Variants in DNASE1 observed in about 807,000 individuals in gnomAD.
DNASE1 encodes the protein deoxyribonuclease 1, also known as deoxyribonuclease-1.
Under a neutral mutation model 33.9 loss-of-function variants are expected in DNASE1, and 40 were observed. The observed-to-expected ratio is 1.18, with a 90% CI of 0.92 to 1.54. The LOEUF (loss-of-function observed/expected upper bound fraction) is 1.54. Ranked by LOEUF, DNASE1 falls within the 40% of genes most tolerant of loss-of-function variation. The pLI, the probability that DNASE1 is intolerant of heterozygous loss-of-function variation, is 0.00. For synonymous variants in DNASE1, 216 were observed against 160.0 expected, an observed-to-expected ratio of 1.35 and a Z score of -2.64; for missense variants, 518 against 372.6, an observed-to-expected ratio of 1.39 and a Z score of -3.21.
chr16:3,646,480 T>C (rs1471588046), intron 1 of DNASE1, among the ~76,000 whole-genome samples: 1 of 151,804 alleles, frequency 6.6e-6, no homozygotes, highest in Non-Finnish European at 1.5e-5. Flanking sequence ...GAGATGAACC[T>C]GGGGCCATGG....
rs1020893783 is a variant in DNASE1 at position 3,655,360 on chromosome 16, T to C, written c.-1-13T>C. 9 of 1,613,872 alleles carry C rather than the reference T, an allele frequency of 5.6e-6. No individual in the cohort carries two copies. In the Admixed American group the frequency reaches 1.2e-4, roughly 21 times the overall value. Reference sequence around the variant, plus strand: ...TCACTTCTGTTATGTCTCTGTGCCCTGTGCTCTCCCAGGATGAGGGGCATG... The same window carrying C: ...TCACTTCTGTTATGTCTCTGTGCCCCGTGCTCTCCCAGGATGAGGGGCATG... On this transcript the variant is annotated splice_polypyrimidine_tract_variant and intron_variant, in intron 1 of 8. Coordinates refer to ENST00000246949, the MANE Select transcript of DNASE1 (RefSeq NM_005223.4).
Position 3,631,684 on chromosome 16 carries a change from G to A in DNASE1, c.-1358-9031G>A, listed in dbSNP as rs192877917. 5.3e-3 allele frequency among the ~76,000 whole-genome samples: 799 copies of A among 151,278 alleles called. 8 individuals are homozygous for A. The highest frequency in any genetic ancestry group is 0.018 in the African/African-American group (732 of 41,192). ...ATTATAAGCACGCACTACCATGCCC[G>A]GCTAATTTTTGTGTTTTTAGTAGAG... On this transcript the variant is annotated intron_variant and NMD_transcript_variant, in intron 1 of 11. Coordinates refer to the DNASE1 transcript ENST00000570769.
chr16:3,650,494 TTCA>T (rs1276758266), upstream of DNASE1: 2 of 152,106 alleles, frequency 1.3e-5, no homozygotes, highest in Non-Finnish European at 2.9e-5. Flanking sequence ...GTTAGTTTTC[TTCA>T]TCATTTATTA....
At chr16:3,617,964 G>A (rs1350761384) in intron 1 of DNASE1, among the ~76,000 whole-genome samples, 1 of 151,726 alleles carries the variant, frequency 6.6e-6, no homozygotes, top group Admixed American at 6.6e-5. Flanking sequence ...TATTTTGTAA[G>A]AGCAGCCCAA....
chr16:3,662,199 C>A (rs1204849760), downstream of DNASE1: 7 of 1,559,434 alleles, frequency 4.5e-6, no homozygotes, highest in South Asian at 7.2e-5. Context: ...CAGGATCTTA[C>A]CAGGGGTGAA....
upstream of DNASE1, chr16:3,640,843 G>C (rs975263711): frequency 7.5e-6 from 3 of 398,554 alleles, no homozygotes; most frequent in African/African-American, 4.1e-5. Context: ...CCTGGGCCCA[G>C]GCACCTCCGA....
At chr16:3,638,085 C>T (rs1021073671), upstream of DNASE1, among the ~76,000 whole-genome samples, 1 of 147,862 alleles carries the variant, frequency 6.8e-6, no homozygotes, top group Non-Finnish European at 1.5e-5. Flanking sequence ...AAAATAATTC[C>T]AGTTGACCAG....
downstream of DNASE1, chr16:3,658,373 G>A (rs910649679): frequency 2.8e-5 from 19 of 675,114 alleles, no homozygotes; most frequent in Admixed American, 1.1e-4. Flanking sequence ...TGATCCCCCC[G>A]CCTCCCAAAG....
upstream of DNASE1, chr16:3,654,229 C>G (rs373681390): frequency 1.5e-5 from 6 of 397,538 alleles, no homozygotes; most frequent in Non-Finnish European, 2.7e-5. Flanking sequence ...CCTAAACACA[C>G]AGCCTATTGT....
downstream of DNASE1, chr16:3,662,822 C>T (rs1452356435): frequency 5.8e-6 from 9 of 1,556,148 alleles, no homozygotes; most frequent in African/African-American, 6.8e-5. Flanking sequence ...GAGCCACCAG[C>T]TGGCCAGCCT....
At chr16:3,616,430 G>A (rs550351095) in intron 1 of DNASE1, among the ~76,000 whole-genome samples, 1 of 151,822 alleles carries the variant, frequency 6.6e-6, no homozygotes, top group Non-Finnish European at 1.5e-5. Context: ...AGACCAGCCT[G>A]ACCAACATGG....
intron 1 of DNASE1, among the ~76,000 whole-genome samples, chr16:3,622,664 C>G (rs2041364703): frequency 1.3e-5 from 2 of 152,102 alleles, no homozygotes; most frequent in South Asian, 2.1e-4. Context: ...GTTGCCCAGG[C>G]TAGACTTGAA....
intron 1 of DNASE1, among the ~76,000 whole-genome samples, chr16:3,629,511 C>G (rs937359009): frequency 1.3e-5 from 2 of 152,118 alleles, no homozygotes; most frequent in African/African-American, 4.8e-5. Flanking sequence ...ATTTTTGCAT[C>G]ATTGTGCATA....
rs775433436 is a variant in DNASE1 at position 3,655,403 on chromosome 16, G to C, written c.30G>C (p.Leu10=). The C allele has an allele frequency of 6.2e-6, 10 of 1,614,014 alleles. 1 individual carries two copies. The South Asian group carries it at 1.1e-4, about 18-fold the overall frequency. ...GGGGCATGAAGCTGCTGGGGGCGCT[G>C]CTGGCACTGGCGGCCCTACTGCAGG... MRGMKLLGA[L]LALAALLQGA... Residue 10 remains leucine (L), a synonymous_variant, in exon 2 of 9, where the codon CTG becomes CTC. Transcript: ENST00000246949.
At chr16:3,659,588 A>C (rs1377919514), downstream of DNASE1, 1 of 152,146 alleles carries the variant, frequency 6.6e-6, no homozygotes, top group Non-Finnish European at 1.5e-5. Flanking sequence ...GAATATTATA[A>C]TTTTTCACTT....
At position 3,657,393 on chromosome 16, in the gene DNASE1, C is replaced by T. The variant is rs570485802; in HGVS notation, c.704+52C>T. On this transcript the variant is annotated intron_variant, in intron 7 of 8. Coordinates refer to ENST00000246949, the MANE Select transcript of DNASE1 (RefSeq NM_005223.4). ...GACTGAGGGCACCTCCAAGGGCAGC[C>T]GTGACTCATAGGTCGGGCTTCAGAA... The T allele has an allele frequency of 4.2e-5, 68 of 1,601,980 alleles. 1 individual carries two copies. Among genetic ancestry groups the T allele is most frequent in the African/African-American group, 1.1e-4 (8 of 74,906 alleles).
intron 1 of DNASE1, among the ~76,000 whole-genome samples, chr16:3,623,554 G>C (rs1458724566): frequency 1.3e-5 from 2 of 152,122 alleles, no homozygotes; most frequent in Non-Finnish European, 2.9e-5. Context: ...TATAGAATGG[G>C]AGAAAATATT....
chr16:3,658,903 C>A, downstream of DNASE1: 1 of 1,602,946 alleles, frequency 6.2e-7, no homozygotes, highest in Non-Finnish European at 8.5e-7. Flanking sequence ...CAGCTCAGTA[C>A]CACGTGCTGT....
At chr16:3,658,574 G>C, downstream of DNASE1, 1 of 584,154 alleles carries the variant, frequency 1.7e-6, no homozygotes, top group South Asian at 2.1e-5. Flanking sequence ...TCGGGAGGCT[G>C]AGGCAGGGGA....
Sources: allele counts gnomAD v4.1 joint callset (sites outside exome capture counted in the v4.1 genomes callset), GRCh38; gene constraint gnomAD v4.1.1; transcripts MANE v1.5; gene names NCBI Gene and HGNC (gene_info 2026-07-23, HGNC 2026-07-21).